The following ANXA6 variants were observed in gnomAD, a reference collection of about 807,000 sequenced individuals.
ANXA6 encodes the protein 67 kDa calelectrin.
A neutral mutation model predicts 95.4 loss-of-function variants in ANXA6; 71 were observed. That is an observed-to-expected ratio of 0.74 (90% confidence interval 0.61 to 0.91). The LOEUF is 0.91. Among genes scored for constraint, ANXA6 ranks in the 40% least tolerant of loss-of-function variants. ANXA6 has a pLI of 0.00. For missense variants in ANXA6, 830 were observed against 876.4 expected, an observed-to-expected ratio of 0.95 and a Z score of 0.67; for synonymous variants, 289 against 315.9, an observed-to-expected ratio of 0.91 and a Z score of 0.90.
chr5:151,109,730 G>T lies in ANXA6; in HGVS notation c.1684+23C>A, dbSNP rs1223938438. ...TTCTGGGATCTTCCTGCTGAGCTGG[G>T]AAGGGAGGAGGTCAGGCCTCACCTC... On this transcript the variant is annotated intron_variant, in intron 22 of 25. Transcript: ENST00000354546. 6 of 1,573,502 alleles carry T rather than the reference G, an allele frequency of 3.8e-6. No individual in the cohort carries two copies. In the South Asian group the frequency reaches 6.8e-5, roughly 18 times the overall value.
intron 25 of ANXA6, 94 bp from the exon 26 acceptor site, chr5:151,101,601 G>A (rs34443409): frequency 0.04 from 44,971 of 1,116,672 alleles, 1,127 homozygotes; most frequent in South Asian, 0.08. Flanking sequence ...CATCTCCCTC[G>A]GCTTCTCTCC....
chr5:151,126,768 G>T (rs891416919), intron 13 of ANXA6, among the ~76,000 whole-genome samples: 1 of 152,088 alleles, frequency 6.6e-6, no homozygotes, highest in African/African-American at 2.4e-5. Flanking sequence ...CCAGGCTGGG[G>T]TGCAGTGGCT....
At chr5:151,137,790 A>C (rs573860229) in intron 5 of ANXA6, among the ~76,000 whole-genome samples, 1 of 152,326 alleles carries the variant, frequency 6.6e-6, no homozygotes, top group African/African-American at 2.4e-5. Flanking sequence ...AGCAGAAGCC[A>C]CAATGCTTCC....
rs368978496 is a variant in ANXA6, at chr5:151,156,581, G to C, written c.-26+1099C>G. On this transcript the variant is annotated intron_variant, in intron 1 of 25. Coordinates refer to ENST00000354546, the MANE Select transcript of ANXA6 (RefSeq NM_001155.5). ...ATGGAGGGAAAAGGGCGGACTCTTG[G>C]GGGGAAACCAGAGTCCTTTCACAAA... 1.8e-4 allele frequency among the ~76,000 whole-genome samples: 27 copies of C among 152,250 alleles called. No homozygotes were observed. In the East Asian group the frequency reaches 2.9e-3, roughly 16 times the overall value.
In ANXA6 at chr5:151,134,457, C is replaced by G; in HGVS notation, c.516G>C (p.Val172=). The G allele has an allele frequency of 6.2e-7, 1 of 1,614,020 alleles. No homozygotes were observed. The highest frequency in any genetic ancestry group is 1.3e-5 in the African/African-American group (1 of 75,038). The change falls in exon 8 of 26, where the codon GTG becomes GTC. Residue 172 remains valine (V), a synonymous_variant. Transcript: ENST00000354546. ...CATCCTGTTGTACCAGGTCCTCGCT[C>G]ACTACGTCATCCTCCTCCCTGGTTC... ...LQGTREEDDV[V]SEDLVQQDVQ... is the part of the protein sequence containing the mutation.
At chr5:151,126,571 CCCCAACACAT>C in intron 13 of ANXA6, 91 bp from the exon 14 acceptor site, 75 of 912,530 alleles carry the variant, frequency 8.2e-5, no homozygotes, top group Non-Finnish European at 1.3e-4. Flanking sequence ...CACACACACA[CCCCAACACAT>C]ACACACACGT....
chr5:151,134,443 ACCAGGTCCTCG>A lies in ANXA6; in HGVS notation c.519_529del (p.Glu174ThrfsTer19). 1 of 1,613,910 alleles carries A rather than the reference ACCAGGTCCTCG, an allele frequency of 6.2e-7. No homozygotes were observed. Among genetic ancestry groups the A allele is most frequent in the South Asian group, 1.1e-5 (1 of 91,076 alleles). On this transcript the variant is annotated frameshift_variant, in exon 8 of 26. Transcript: ENST00000354546. LOFTEE classifies it high-confidence loss of function. Reference sequence around the variant, plus strand: ...CTTGTTTACCTGGACATCCTGTTGTACCAGGTCCTCGCTCACTACGTCATCCTCCTCCCTGG... The same window carrying A: ...CTTGTTTACCTGGACATCCTGTTGTACTCACTACGTCATCCTCCTCCCTGG...
chr5:151,139,316 A>G lies in ANXA6; in HGVS notation c.204+37T>C, dbSNP rs753727870. On this transcript the variant is annotated intron_variant, in intron 4 of 25. Coordinates refer to ENST00000354546, the MANE Select transcript of ANXA6 (RefSeq NM_001155.5). ...CACAGGTGAATGAAATCATTCTTCC[A>G]CCCGCACCCCATGGGCCCTCCGGTT... 24 of 1,444,004 alleles carry G rather than the reference A, an allele frequency of 1.7e-5. No homozygotes were observed. In the Admixed American group the frequency reaches 3.0e-4, roughly 18 times the overall value. 89.4% of individuals were successfully genotyped at this position (1,444,004 alleles called of 1,614,324 possible). A position where few individuals can be genotyped will look rare whatever the true frequency, so the allele number is the denominator to read the frequency against.
chr5:151,138,700 T>A lies in ANXA6; in HGVS notation c.296A>T (p.Lys99Ile), dbSNP rs1765738704. Residue 99 changes from lysine (K) to isoleucine (I), a missense_variant, in exon 5 of 26, where the codon AAA becomes ATA. Physicochemically the swap from Lys to Ile is moderately radical, Grantham distance 102 (BLOSUM62 -3). Transcript: ENST00000354546. Reference sequence around the variant, plus strand: ...TACCGAGATGGCATCTTTAATTTCTTTGGCATCACAATAGGCAGGTGGCCT... The same window carrying A: ...TACCGAGATGGCATCTTTAATTTCTATGGCATCACAATAGGCAGGTGGCCT... ...LMRPPAYCDA[K>I]EIKDAISGIG... 1.2e-6 allele frequency: 2 copies of A among 1,613,636 alleles called. No individual in the cohort carries two copies. Among genetic ancestry groups the A allele is most frequent in the Non-Finnish European group, 1.7e-6 (2 of 1,179,698 alleles).
intron 18 of ANXA6, among the ~76,000 whole-genome samples, 198 bp downstream of exon 18, chr5:151,119,102 C>T (rs1765088042): frequency 6.6e-6 from 1 of 152,198 alleles, no homozygotes. Flanking sequence ...CCCTTTTCTA[C>T]CTCCAGGCCT....
At chr5:151,114,613 T>TAAAAAAAAAAAAAAAAAA (rs61407672) in intron 20 of ANXA6, among the ~76,000 whole-genome samples, 4 of 70,318 alleles carry the variant, frequency 5.7e-5, no homozygotes, top group South Asian at 7.0e-4. Context: ...GACTCCGTCT[T>TAAAAAAAAAAAAAAAAAA]AAAAAAAAAA....
intron 13 of ANXA6, among the ~76,000 whole-genome samples, chr5:151,127,719 T>C (rs1360983642): frequency 6.6e-6 from 1 of 152,226 alleles, no homozygotes; most frequent in Non-Finnish European, 1.5e-5. Flanking sequence ...GAAACTGGTC[T>C]ATACCCTTCT....
At chr5:151,126,381 A>G in intron 14 of ANXA6, 21 bp downstream of exon 14, 1 of 1,595,882 alleles carries the variant, frequency 6.3e-7, no homozygotes, top group Non-Finnish European at 8.6e-7. Context: ...GAGGTCAAGC[A>G]GGAGGAGGGG....
rs1167540557 is a variant in ANXA6 at position 151,105,284 on chromosome 5, C to T, written c.1800G>A (p.Lys600=). 6.2e-7 allele frequency: 1 copy of T among 1,613,958 alleles called. No individual in the cohort carries two copies. The highest frequency in any genetic ancestry group is 8.5e-7 in the Non-Finnish European group (1 of 1,179,842). The change falls in exon 24 of 26, where the codon AAG becomes AAA. Residue 600 remains lysine (K), a synonymous_variant. Coordinates refer to ENST00000354546, the MANE Select transcript of ANXA6 (RefSeq NM_001155.5). ...FVAIVQSVKN[K]PLFFADKLYK... ...AAAGTTTGTCGGCAAAGAAGAGAGG[C>T]TTGTTCTTGACACTTTGAACTGGTA... is the stretch of plus-strand genomic sequence containing the variant.
chr5:151,147,489 T>A (rs1009793132), intron 2 of ANXA6, among the ~76,000 whole-genome samples: 3 of 152,144 alleles, frequency 2.0e-5, no homozygotes, highest in Admixed American at 6.5e-5. Flanking sequence ...GACAGCAGAA[T>A]GGAAGCCTGG....
rs552891657 is a variant in ANXA6, at chr5:151,109,992, T to C, written c.1591-146A>G. The C allele has an allele frequency of 2.6e-4, 166 of 636,168 alleles. 2 individuals are homozygous for C. The South Asian group carries it at 2.8e-3, about 11-fold the overall frequency. 39.4% of individuals were successfully genotyped at this position (636,168 alleles called of 1,614,324 possible). On this transcript the variant is annotated intron_variant, in intron 21 of 25. Transcript: ENST00000354546. ...TCCAAGGGGGCCGAGACTGGTCCCCTCTTCCTTCCTCAAGCACAATGGCTT... is the reference window on the plus strand; with the variant it reads ...TCCAAGGGGGCCGAGACTGGTCCCCCCTTCCTTCCTCAAGCACAATGGCTT...
intron 11 of ANXA6, among the ~76,000 whole-genome samples, chr5:151,130,347 C>T (rs1358093084): frequency 6.6e-6 from 1 of 151,936 alleles, no homozygotes; most frequent in African/African-American, 2.4e-5. Context: ...GGGCCCTGTG[C>T]TCAAGAAATC....
At chr5:151,154,252 C>T (rs568833967) in intron 1 of ANXA6, among the ~76,000 whole-genome samples, 1 of 149,792 alleles carries the variant, frequency 6.7e-6, no homozygotes, top group African/African-American at 2.5e-5. Context: ...GGCTCCTGGC[C>T]CCACAAAGCT....
chr5:151,140,247 T>C lies in ANXA6; in HGVS notation c.19-4A>G. On this transcript the variant is annotated splice_polypyrimidine_tract_variant and splice_region_variant and intron_variant, in intron 2 of 25. Coordinates refer to ENST00000354546, the MANE Select transcript of ANXA6 (RefSeq NM_001155.5). ...TGGAGCCCCGGTACTTGGCACCCTG[T>C]GGAGAAAAAAGTAGAGGGTGAGCTG... The C allele has an allele frequency of 6.2e-7, 1 of 1,613,610 alleles. No homozygotes were observed. The highest frequency in any genetic ancestry group is 8.5e-7 in the Non-Finnish European group (1 of 1,179,720).
Sources: gnomAD v4.1 joint callset for allele counts (sites outside exome capture counted in the v4.1 genomes callset) on GRCh38, gnomAD v4.1.1 for gene constraint, MANE v1.5 for transcripts, NCBI Gene and HGNC (gene_info 2026-07-23, HGNC 2026-07-21) for gene names.